GXYLT1: variants seen among roughly 807,000 people sequenced by gnomAD.
GXYLT1 encodes glucoside xylosyltransferase 1.
Under a neutral mutation model 54.0 loss-of-function variants are expected in GXYLT1, and 29 were observed. That is an observed-to-expected ratio of 0.54 (90% confidence interval 0.40 to 0.73). The LOEUF (loss-of-function observed/expected upper bound fraction) is 0.73. Ranked by LOEUF, GXYLT1 falls within the 30% of genes least tolerant of loss-of-function variation. The probability of loss-of-function intolerance (pLI) is 0.00; values close to 1 mark genes in which losing one functional copy is unlikely to be tolerated. For missense variants in GXYLT1, 490 were observed against 553.4 expected, an observed-to-expected ratio of 0.89 and a Z score of 1.15; for synonymous variants, 176 against 204.1, an observed-to-expected ratio of 0.86 and a Z score of 1.17.
At chr12:42,130,021 G>C (rs1476694961) in intron 1 of GXYLT1, among the ~76,000 whole-genome samples, 170 bp from the exon 2 acceptor site, 1 of 152,118 alleles carries the variant, frequency 6.6e-6, no homozygotes. Flanking sequence ...CCCTTACTTA[G>C]GGCACCATTA....
chr12:42,093,020 C>T (rs1224509284), intron 7 of GXYLT1, among the ~76,000 whole-genome samples: 1 of 152,196 alleles, frequency 6.6e-6, no homozygotes, highest in Non-Finnish European at 1.5e-5. Context: ...AAAGACAGCT[C>T]TTGTTCTTGG....
intron 5 of GXYLT1, 128 bp from the exon 6 acceptor site, chr12:42,098,161 A>C (rs2065367877): frequency 6.3e-6 from 5 of 788,184 alleles, no homozygotes; most frequent in Non-Finnish European, 8.2e-6. Context: ...TCCTCACAAT[A>C]TCAAGTGACA....
intron 7 of GXYLT1, among the ~76,000 whole-genome samples, chr12:42,090,512 C>T (rs1229335693): frequency 6.6e-6 from 1 of 152,152 alleles, no homozygotes; most frequent in Admixed American, 6.5e-5. Flanking sequence ...TTAATCGTTC[C>T]CTCTTTTCAG....
At chr12:42,119,585 G>A (rs925468810) in intron 2 of GXYLT1, among the ~76,000 whole-genome samples, 1 of 151,926 alleles carries the variant, frequency 6.6e-6, no homozygotes, top group Non-Finnish European at 1.5e-5. Context: ...AGGCAGCAGG[G>A]TCACTTCAGT....
intron 5 of GXYLT1, among the ~76,000 whole-genome samples, chr12:42,099,283 T>G (rs183153952): frequency 6.6e-6 from 1 of 152,302 alleles, no homozygotes; most frequent in African/African-American, 2.4e-5. Context: ...CTACGCTACT[T>G]GAGAAAGAAC....
chr12:42,091,415 AT>A (rs397518055), intron 7 of GXYLT1, among the ~76,000 whole-genome samples: 2 of 142,262 alleles, frequency 1.4e-5, no homozygotes, highest in Admixed American at 6.8e-5. Context: ...CTAATAGTAG[AT>A]TTTTTTTAAT....
intron 5 of GXYLT1, among the ~76,000 whole-genome samples, chr12:42,098,407 A>T (rs532266359): frequency 6.6e-6 from 1 of 151,688 alleles, no homozygotes; most frequent in African/African-American, 2.4e-5. Flanking sequence ...ACACGTGGTA[A>T]ATATTCAGTG....
intron 1 of GXYLT1, among the ~76,000 whole-genome samples, chr12:42,132,658 AC>A (rs1327032096): frequency 6.6e-6 from 1 of 152,228 alleles, no homozygotes; most frequent in Admixed American, 6.5e-5. Flanking sequence ...GAAAACGCCC[AC>A]GTGAGCTAGA....
At chr12:42,108,816 C>T (rs902424165) in intron 4 of GXYLT1, among the ~76,000 whole-genome samples, 6 of 152,014 alleles carry the variant, frequency 3.9e-5, no homozygotes, top group African/African-American at 9.7e-5. Flanking sequence ...ATATAATTTC[C>T]GGAACCTTGT....
At chr12:42,124,943 C>A (rs1328301919) in intron 2 of GXYLT1, among the ~76,000 whole-genome samples, 2 of 152,200 alleles carry the variant, frequency 1.3e-5, no homozygotes, top group Non-Finnish European at 2.9e-5. Context: ...TCATTTGTTT[C>A]TCACTGGTTG....
intron 2 of GXYLT1, among the ~76,000 whole-genome samples, chr12:42,123,153 G>A (rs141565360): frequency 2.0e-5 from 3 of 152,254 alleles, no homozygotes; most frequent in East Asian, 1.9e-4. Context: ...TGCAATGTAT[G>A]GTCCTTGACT....
At chr12:42,102,294 T>C (rs1256958936) in intron 5 of GXYLT1, among the ~76,000 whole-genome samples, 5 of 152,210 alleles carry the variant, frequency 3.3e-5, no homozygotes, top group Admixed American at 2.6e-4. Flanking sequence ...TTCTACCCCT[T>C]TGGCAAGATG....
chr12:42,105,686 T>C, intron 5 of GXYLT1, 132 bp downstream of exon 5: 1 of 629,618 alleles, frequency 1.6e-6, no homozygotes, highest in South Asian at 2.4e-5. Context: ...ATTTATATTC[T>C]TCTAATGAGA....
At chr12:42,137,920 T>C (rs1428466034) in intron 1 of GXYLT1, among the ~76,000 whole-genome samples, 1 of 152,140 alleles carries the variant, frequency 6.6e-6, no homozygotes, top group Non-Finnish European at 1.5e-5. Context: ...ACGGACACAT[T>C]AAAGGAGGCC....
rs1221819528 is a variant in GXYLT1 at position 42,126,095 on chromosome 12, A to AT, written c.314+3663_314+3664insA. Among the ~76,000 whole-genome samples, 22 of 145,108 alleles carry AT rather than the reference A, an allele frequency of 1.5e-4. No homozygotes were observed. In the East Asian group the frequency reaches 4.2e-3, roughly 28 times the overall value. ...GAACTTTTTTTTTTTTTTTTTTGAGACAGAGTCTCACTCTGTCACTCAGGC... is the reference window on the plus strand; with the variant it reads ...GAACTTTTTTTTTTTTTTTTTTGAGATCAGAGTCTCACTCTGTCACTCAGGC... On this transcript the variant is annotated intron_variant, in intron 2 of 7. Transcript: ENST00000398675.
At chr12:42,088,745 GA>G (rs2065311745) in intron 7 of GXYLT1, among the ~76,000 whole-genome samples, 1 of 151,900 alleles carries the variant, frequency 6.6e-6, no homozygotes, top group Non-Finnish European at 1.5e-5. Flanking sequence ...CAATTAGAAA[GA>G]TGGATGGGGC....
chr12:42,128,486 A>G (rs1391769760), intron 2 of GXYLT1, among the ~76,000 whole-genome samples: 2 of 152,102 alleles, frequency 1.3e-5, no homozygotes, highest in African/African-American at 2.4e-5. Flanking sequence ...CCAGATCATC[A>G]TCTGGTCACT....
At chr12:42,107,749 T>C (rs1310742850) in intron 4 of GXYLT1, among the ~76,000 whole-genome samples, 2 of 152,100 alleles carry the variant, frequency 1.3e-5, no homozygotes, top group African/African-American at 4.8e-5. Context: ...TCTCACTTTT[T>C]TGAGGGGTGG....
In GXYLT1 at chr12:42,120,747, G is replaced by C. The variant is rs548239096; in HGVS notation, c.315-1576C>G. On this transcript the variant is annotated intron_variant, in intron 2 of 7. Transcript: ENST00000398675. ...GATGGGGTCTCACTATGTTGCCCAG[G>C]CTAGTCTCGAACTCCTGGCCTCAAG... Among the ~76,000 whole-genome samples, 710 of 152,102 alleles carry C rather than the reference G, an allele frequency of 4.7e-3. 6 individuals carry two copies. Among genetic ancestry groups the C allele is most frequent in the African/African-American group, 0.017 (685 of 41,470 alleles).
Sources: allele counts gnomAD v4.1 joint callset (sites outside exome capture counted in the v4.1 genomes callset), GRCh38; gene constraint gnomAD v4.1.1; transcripts MANE v1.5; gene names NCBI Gene and HGNC (gene_info 2026-07-23, HGNC 2026-07-21).